Variants in EVI5 observed in about 807,000 individuals in gnomAD.
EVI5 encodes ecotropic viral integration site 5.
EVI5 carries 73 observed loss-of-function variants against 112.0 expected under a neutral mutation model. That is an observed-to-expected ratio of 0.65 (90% CI 0.54 to 0.79). The LOEUF (loss-of-function observed/expected upper bound fraction) is 0.79. EVI5 is among the 30% of genes least tolerant of loss of function. The probability of loss-of-function intolerance (pLI) is 0.00; values close to 1 mark genes in which losing one functional copy is unlikely to be tolerated. For missense variants in EVI5, 900 were observed against 968.8 expected (o/e 0.93, Z 0.94); for synonymous variants, 305 against 319.9 (o/e 0.95, Z 0.50).
At chr1:92,723,875 G>A (rs536887188) in intron 2 of EVI5, among the ~76,000 whole-genome samples, 10 of 152,222 alleles carry the variant, frequency 6.6e-5, no homozygotes, top group African/African-American at 1.2e-4. Context: ...GTCTATGAAC[G>A]GCTGCTCTGG....
Position 92,619,119 on chromosome 1 carries a change from A to T in EVI5, c.1827+5057T>A, listed in dbSNP as rs149523778. ...CTGAGTTAGTATCCAAGATCAATAC[A>T]AAGTACTGATCCCGGATGTGTCTGT... is the stretch of plus-strand genomic sequence containing the variant. On this transcript the variant is annotated intron_variant, in intron 16 of 19. Coordinates refer to ENST00000684568, the MANE Select transcript of EVI5 (RefSeq NM_001350197.2). Among the ~76,000 whole-genome samples the T allele has an allele frequency of 2.7e-3, 411 of 152,320 alleles. 3 individuals carry two copies. The highest frequency in any genetic ancestry group is 9.4e-3 in the African/African-American group (389 of 41,566).
intron 1 of EVI5, among the ~76,000 whole-genome samples, chr1:92,753,083 A>G (rs1390536969): frequency 6.6e-6 from 1 of 151,960 alleles, no homozygotes; most frequent in East Asian, 1.9e-4. Context: ...AACGTTTAAG[A>G]TAAGATCTAT....
intron 19 of EVI5, among the ~76,000 whole-genome samples, chr1:92,545,502 C>T (rs1293551170): frequency 2.0e-5 from 3 of 150,850 alleles, no homozygotes; most frequent in Non-Finnish European, 3.0e-5. Flanking sequence ...TATTTAAGAA[C>T]ATAGAGAATT....
At chr1:92,590,383 T>C (rs1673610282) in intron 18 of EVI5, among the ~76,000 whole-genome samples, 1 of 152,068 alleles carries the variant, frequency 6.6e-6, no homozygotes, top group Admixed American at 6.6e-5. Context: ...ATTGGACAAA[T>C]GGTTAACTAG....
chr1:92,687,413 G>A (rs943948134), intron 9 of EVI5, among the ~76,000 whole-genome samples: 2 of 151,912 alleles, frequency 1.3e-5, no homozygotes, highest in African/African-American at 4.8e-5. Flanking sequence ...AGACTTAAAT[G>A]TTAGACCTAA....
intron 18 of EVI5, among the ~76,000 whole-genome samples, chr1:92,565,814 C>T (rs1669346270): frequency 6.6e-6 from 1 of 151,818 alleles, no homozygotes; most frequent in Non-Finnish European, 1.5e-5. Context: ...ACTAAAAATA[C>T]AAACGATTAG....
At chr1:92,655,857 G>A (rs1445916182) in intron 13 of EVI5, among the ~76,000 whole-genome samples, 1 of 151,992 alleles carries the variant, frequency 6.6e-6, no homozygotes, top group Non-Finnish European at 1.5e-5. Flanking sequence ...ATGTTCTCAG[G>A]ACATCCTGAG....
Position 92,602,838 on chromosome 1 carries a change from A to C in EVI5, c.2070+2469T>G, listed in dbSNP as rs138300790. Among the ~76,000 whole-genome samples, 517 of 152,336 alleles carry C rather than the reference A, an allele frequency of 3.4e-3. 1 individual carries two copies. Among genetic ancestry groups the C allele is most frequent in the Middle Eastern group, 6.8e-3 (2 of 294 alleles). On this transcript the variant is annotated intron_variant, in intron 18 of 19. Coordinates refer to ENST00000684568, the MANE Select transcript of EVI5 (RefSeq NM_001350197.2). ...ACCACCAAAAAAAACAAAACAAAAC[A>C]AAACCCAGGTACGTTGATTCAGCAA...
rs34573809 is a variant in EVI5 at position 92,619,445 on chromosome 1, C to CATAT, written c.1827+4727_1827+4730dup. Among the ~76,000 whole-genome samples the CATAT allele has an allele frequency of 6.9e-3, 1,008 of 146,746 alleles. 9 individuals carry two copies. The highest frequency in any genetic ancestry group is 0.029 in the East Asian group (145 of 5,008). ...TAAGTTAATACTTGAAATAAACTCC[C>CATAT]ATATATATATATATATATATCCTAT... On this transcript the variant is annotated intron_variant, in intron 16 of 19. Coordinates refer to ENST00000684568, the MANE Select transcript of EVI5 (RefSeq NM_001350197.2).
chr1:92,733,067 AAG>A (rs1171007771), intron 2 of EVI5: 14 of 212,990 alleles, frequency 6.6e-5, no homozygotes, highest in South Asian at 1.7e-4. Flanking sequence ...AAAAAAAAAA[AAG>A]AAAAAAAAAA....
chr1:92,677,668 G>C (rs1413526027), intron 9 of EVI5, among the ~76,000 whole-genome samples: 6 of 152,042 alleles, frequency 3.9e-5, no homozygotes, highest in Non-Finnish European at 5.9e-5. Context: ...AGACATAGGA[G>C]GAATAAGGTT....
At chr1:92,731,097 G>A (rs71652503) in intron 2 of EVI5, among the ~76,000 whole-genome samples, 30,393 of 152,134 alleles carry the variant, frequency 0.2, 3,540 homozygotes, top group Non-Finnish European at 0.26. Flanking sequence ...GCCGAGGTAG[G>A]CAAATCACTT....
intron 6 of EVI5, among the ~76,000 whole-genome samples, chr1:92,696,727 C>T (rs1670376380): frequency 6.6e-6 from 1 of 151,728 alleles, no homozygotes; most frequent in Non-Finnish European, 1.5e-5. Flanking sequence ...CCATAATGTA[C>T]AACTATTGTA....
intron 18 of EVI5, among the ~76,000 whole-genome samples, chr1:92,581,404 T>C (rs2101089167): frequency 6.6e-6 from 1 of 152,402 alleles, no homozygotes; most frequent in African/African-American, 2.4e-5. Context: ...GTCACTTTTC[T>C]GATCTCTTTC....
chr1:92,748,578 C>T (rs1480124406), intron 1 of EVI5, among the ~76,000 whole-genome samples: 2 of 151,996 alleles, frequency 1.3e-5, no homozygotes, highest in African/African-American at 4.8e-5. Context: ...TCACATTATC[C>T]CACAAAACAA....
At chr1:92,739,231 C>A (rs570740927) in intron 1 of EVI5, among the ~76,000 whole-genome samples, 6 of 143,134 alleles carry the variant, frequency 4.2e-5, no homozygotes, top group African/African-American at 1.6e-4. Context: ...CAAGATCACG[C>A]CACTGCTCTC....
At chr1:92,784,535 G>A in intron 1 of EVI5, 1 of 593,598 alleles carries the variant, frequency 1.7e-6, no homozygotes, top group Non-Finnish European at 2.0e-6. Context: ...TTACGAGGAC[G>A]TGCCCCCGAA....
intron 19 of EVI5, among the ~76,000 whole-genome samples, chr1:92,523,312 C>A (rs1278506105): frequency 1.3e-5 from 2 of 152,014 alleles, no homozygotes; most frequent in African/African-American, 2.4e-5. Flanking sequence ...ATGTTAACAT[C>A]CCCCCTTCAC....
chr1:92,527,610 G>A (rs1424706955), intron 19 of EVI5, among the ~76,000 whole-genome samples: 1 of 151,992 alleles, frequency 6.6e-6, no homozygotes, highest in East Asian at 1.9e-4. Context: ...CCACTCCCCA[G>A]AAGACTTCCA....
Sources: gnomAD v4.1 joint callset for allele counts (sites outside exome capture counted in the v4.1 genomes callset) on GRCh38, gnomAD v4.1.1 for gene constraint, MANE v1.5 for transcripts, NCBI Gene and HGNC (gene_info 2026-07-23, HGNC 2026-07-21) for gene names.